SLC11A2: variants seen among roughly 807,000 people sequenced by gnomAD.
SLC11A2 encodes solute carrier family 11 member 2.
Under a neutral mutation model 68.0 loss-of-function variants are expected in SLC11A2, and 38 were observed. That is an observed-to-expected ratio of 0.56 (90% CI 0.43 to 0.73). The LOEUF (loss-of-function observed/expected upper bound fraction) is 0.73, where lower values mean the gene tolerates loss of function less well. Ranked by LOEUF, SLC11A2 falls within the 30% of genes least tolerant of loss-of-function variation. The pLI is 0.00. For missense variants in SLC11A2, 517 were observed against 690.5 expected (o/e 0.75, Z 2.82); for synonymous variants, 242 against 250.6 (o/e 0.97, Z 0.32).
At chr12:50,992,625 G>A (rs763657399) in intron 12 of SLC11A2, among the ~76,000 whole-genome samples, 185 bp downstream of exon 12, 3 of 151,648 alleles carry the variant, frequency 2.0e-5, no homozygotes, top group South Asian at 2.1e-4. Context: ...CTAGCTACTC[G>A]GGAGGCTGAG....
intron 11 of SLC11A2, among the ~76,000 whole-genome samples, chr12:50,993,333 T>TTA (rs1313791879): frequency 6.6e-6 from 1 of 152,146 alleles, no homozygotes; most frequent in African/African-American, 2.4e-5. Flanking sequence ...TATTCTACTG[T>TTA]TGGAGGATCA....
chr12:50,970,414 C>T, the SLC11A2 span: 1 of 1,127,952 alleles, frequency 8.9e-7, no homozygotes, highest in Non-Finnish European at 1.3e-6. Flanking sequence ...CATGGATACT[C>T]AATTGATATA....
Position 51,026,313 on chromosome 12 carries a change from A to G in SLC11A2, c.-42T>C. On this transcript the variant is annotated 5_prime_UTR_variant, in exon 1 of 16. The change abolishes the stop of an existing upstream ORF in the 5' untranslated region. Transcript: ENST00000262052. Reference sequence around the variant, plus strand: ...CCTGACCTTGCCTTCCCCTCACCTTACCAGCTCCGCAACCACCTGACACGC... The same window carrying G: ...CCTGACCTTGCCTTCCCCTCACCTTGCCAGCTCCGCAACCACCTGACACGC... The G allele has an allele frequency of 7.9e-7, 1 of 1,262,616 alleles. No individual in the cohort carries two copies. Among genetic ancestry groups the G allele is most frequent in the Non-Finnish European group, 1.0e-6 (1 of 969,298 alleles). 78.2% of individuals were successfully genotyped at this position (1,262,616 alleles called of 1,614,324 possible).
the SLC11A2 span, among the ~76,000 whole-genome samples, chr12:50,958,443 G>A: frequency 1.9e-4 from 28 of 151,026 alleles, no homozygotes; most frequent in African/African-American, 6.3e-4. Flanking sequence ...CACCACACCC[G>A]GCTAATTTTT....
At chr12:50,983,241 TTTC>T (rs1940223229), downstream of SLC11A2, among the ~76,000 whole-genome samples, 1 of 152,222 alleles carries the variant, frequency 6.6e-6, no homozygotes, top group Admixed American at 6.5e-5. Context: ...TATGAAGTTA[TTTC>T]TTTTTACTTT....
At chr12:51,009,772 C>T (rs1361861602) in intron 2 of SLC11A2, among the ~76,000 whole-genome samples, 1 of 152,182 alleles carries the variant, frequency 6.6e-6, no homozygotes, top group African/African-American at 2.4e-5. Context: ...AGGTTTTTAT[C>T]CTGGGTCTGG....
rs747177621 is a variant in SLC11A2 at position 51,008,592 on chromosome 12, T to C, written c.67A>G (p.Ser23Gly). The change falls in exon 3 of 16, where the codon AGT becomes GGT. Residue 23 changes from serine to glycine, a missense_variant. Physicochemically the swap from Ser to Gly is moderately conservative, Grantham distance 56. Coordinates refer to ENST00000262052, the MANE Select transcript of SLC11A2 (RefSeq NM_000617.3). ...SVSGDHGESA[S>G]LGNINPAYSN... is the part of the protein sequence containing the mutation. Reference sequence around the variant, plus strand: ...TAGGCAGGGTTGATGTTACCAAGACTGGCAGACTCCCCATGATCTCCAGAA... The same window carrying C: ...TAGGCAGGGTTGATGTTACCAAGACCGGCAGACTCCCCATGATCTCCAGAA... The C allele has an allele frequency of 1.2e-6, 2 of 1,613,138 alleles. No individual in the cohort carries two copies. The highest frequency in any genetic ancestry group is 8.5e-7 in the Non-Finnish European group (1 of 1,179,160).
the SLC11A2 span, among the ~76,000 whole-genome samples, chr12:50,955,798 A>C: frequency 6.6e-6 from 1 of 152,240 alleles, no homozygotes. Flanking sequence ...ACTCAATGCT[A>C]CTTGAACAGA....
At chr12:51,010,371 A>T (rs1943112855) in intron 2 of SLC11A2, among the ~76,000 whole-genome samples, 1 of 152,160 alleles carries the variant, frequency 6.6e-6, no homozygotes, top group South Asian at 2.1e-4. Context: ...TACAAAAATT[A>T]GCCGGGCATT....
chr12:50,995,122 C>T (rs1941581961), intron 10 of SLC11A2: 1 of 232,994 alleles, frequency 4.3e-6, no homozygotes, highest in African/African-American at 2.3e-5. Flanking sequence ...ACCAGCCTGG[C>T]CAACATGGTG....
chr12:50,963,389 A>G, the SLC11A2 span, among the ~76,000 whole-genome samples: 16,114 of 131,844 alleles, frequency 0.12, 945 homozygotes, highest in South Asian at 0.17. Flanking sequence ...AAAAAAAAAA[A>G]AAAAGAAAAG....
intron 1 of SLC11A2, among the ~76,000 whole-genome samples, chr12:51,012,776 G>A (rs1943337330): frequency 6.6e-6 from 1 of 152,028 alleles, no homozygotes; most frequent in Non-Finnish European, 1.5e-5. Flanking sequence ...ATATTACAAC[G>A]GACAACTAGC....
chr12:50,993,074 A>G (rs1941333853), intron 11 of SLC11A2, 145 bp from the exon 12 acceptor site: 1 of 950,056 alleles, frequency 1.1e-6, no homozygotes, highest in Non-Finnish European at 1.6e-6. Context: ...GCCAGAAGCT[A>G]GGCTCAAGTC....
At chr12:50,975,714 G>T (rs1592278670), downstream of SLC11A2, among the ~76,000 whole-genome samples, 1 of 152,158 alleles carries the variant, frequency 6.6e-6, no homozygotes, top group South Asian at 2.1e-4. Context: ...CTGGTTTTTT[G>T]AAAAGATCAA....
chr12:50,967,113 C>CA, the SLC11A2 span, among the ~76,000 whole-genome samples: 22,086 of 131,722 alleles, frequency 0.17, 1,792 homozygotes, highest in South Asian at 0.29. Context: ...GACTCAGTCT[C>CA]AAAAAAAAAA....
intron 5 of SLC11A2, among the ~76,000 whole-genome samples, chr12:51,001,247 T>A (rs1229379222): frequency 7.3e-5 from 11 of 149,660 alleles, no homozygotes; most frequent in African/African-American, 2.7e-4. Flanking sequence ...CCAACGTAGA[T>A]CCCTTAAGCC....
At chr12:50,969,702 C>CAAAA in the SLC11A2 span, among the ~76,000 whole-genome samples, 1 of 112,752 alleles carries the variant, frequency 8.9e-6, no homozygotes. Context: ...GACTCCATCT[C>CAAAA]AAAAAAAAAA....
intron 3 of SLC11A2, among the ~76,000 whole-genome samples, chr12:51,007,098 G>A (rs980613523): frequency 2.0e-5 from 3 of 151,948 alleles, no homozygotes; most frequent in Non-Finnish European, 2.9e-5. Flanking sequence ...GACCTGAAAG[G>A]TGCCCCCTCC....
chr12:51,001,883 T>C (rs1184832768), intron 5 of SLC11A2, among the ~76,000 whole-genome samples: 2 of 152,088 alleles, frequency 1.3e-5, no homozygotes, highest in South Asian at 4.1e-4. Context: ...TCACCTTTAA[T>C]GTAATAATAA....
Sources: allele counts gnomAD v4.1 joint callset (sites outside exome capture counted in the v4.1 genomes callset), GRCh38; gene constraint gnomAD v4.1.1; transcripts MANE v1.5; gene names NCBI Gene and HGNC (gene_info 2026-07-23, HGNC 2026-07-21).